CCDC192: variants seen among roughly 807,000 people sequenced by gnomAD.
The protein encoded by CCDC192 is coiled-coil domain containing 192, also known as coiled-coil domain-containing protein 192.
chr5:127,745,472 G>A (rs1337971129), intron 2 of CCDC192, among the ~76,000 whole-genome samples: 1 of 152,036 alleles, frequency 6.6e-6, no homozygotes, highest in African/African-American at 2.4e-5. Context: ...CATAATAATA[G>A]TCAGGTGTCT....
intron 5 of CCDC192, among the ~76,000 whole-genome samples, chr5:127,866,750 T>C (rs1430421228): frequency 1.3e-5 from 2 of 152,086 alleles, no homozygotes; most frequent in Admixed American, 6.6e-5. Flanking sequence ...TGAGATCACG[T>C]CCATTTCACA....
intron 5 of CCDC192, among the ~76,000 whole-genome samples, chr5:127,840,141 T>A (rs1022788100): frequency 4.0e-5 from 6 of 151,896 alleles, no homozygotes; most frequent in African/African-American, 1.5e-4. Flanking sequence ...GAAGCCAGAG[T>A]CCCCTACCCT....
At chr5:127,719,709 C>T (rs934231143) in intron 2 of CCDC192, among the ~76,000 whole-genome samples, 1 of 151,196 alleles carries the variant, frequency 6.6e-6, no homozygotes, top group Non-Finnish European at 1.5e-5. Flanking sequence ...AGAGGATGAA[C>T]TGGCTCAGGG....
intron 3 of CCDC192, among the ~76,000 whole-genome samples, chr5:127,755,866 A>G (rs1754554046): frequency 6.6e-6 from 1 of 151,860 alleles, no homozygotes; most frequent in Non-Finnish European, 1.5e-5. Flanking sequence ...GAATTCACTC[A>G]TAAAAGTACC....
chr5:127,737,761 T>G (rs1267536120), intron 2 of CCDC192, among the ~76,000 whole-genome samples: 1 of 151,528 alleles, frequency 6.6e-6, no homozygotes, highest in Non-Finnish European at 1.5e-5. Flanking sequence ...ACCCCTGCCT[T>G]TTTTTGTTTT....
intron 6 of CCDC192, among the ~76,000 whole-genome samples, chr5:127,902,085 A>T (rs1753052381): frequency 6.6e-6 from 1 of 152,180 alleles, no homozygotes; most frequent in Admixed American, 6.5e-5. Context: ...AGCCTGGCCA[A>T]CATGGTGAAA....
chr5:127,751,838 T>C (rs1754194370), intron 2 of CCDC192, among the ~76,000 whole-genome samples: 1 of 152,210 alleles, frequency 6.6e-6, no homozygotes, highest in Non-Finnish European at 1.5e-5. Context: ...TTCTCTAAAC[T>C]TTCCTTCTCG....
chr5:127,705,398 A>T (rs1238776374), intron 1 of CCDC192, among the ~76,000 whole-genome samples: 1 of 152,196 alleles, frequency 6.6e-6, no homozygotes, highest in Non-Finnish European at 1.5e-5. Context: ...GAGTATGCAC[A>T]TAAGGGTATT....
chr5:127,807,662 A>G (rs896174735), intron 5 of CCDC192, among the ~76,000 whole-genome samples: 1 of 152,098 alleles, frequency 6.6e-6, no homozygotes, highest in African/African-American at 2.4e-5. Flanking sequence ...ATCATTTCCA[A>G]AAGATTTCTG....
At chr5:127,717,298 AAAGGT>A (rs1727992342) in intron 2 of CCDC192, among the ~76,000 whole-genome samples, 1 of 152,190 alleles carries the variant, frequency 6.6e-6, no homozygotes, top group Non-Finnish European at 1.5e-5. Flanking sequence ...TTCTTCTGCT[AAAGGT>A]AAGTAATGTT....
chr5:127,771,741 G>A (rs1755565241), intron 3 of CCDC192, among the ~76,000 whole-genome samples: 1 of 152,204 alleles, frequency 6.6e-6, no homozygotes, highest in South Asian at 2.1e-4. Flanking sequence ...CCCAATTAAA[G>A]TAATGTAATA....
chr5:127,812,700 A>G (rs1269087664), intron 5 of CCDC192, among the ~76,000 whole-genome samples: 1 of 152,188 alleles, frequency 6.6e-6, no homozygotes, highest in African/African-American at 2.4e-5. Context: ...TGTTTCTGCC[A>G]AAGGAGGAAT....
chr5:127,844,967 C>G (rs1223094386), intron 5 of CCDC192, among the ~76,000 whole-genome samples: 2 of 152,158 alleles, frequency 1.3e-5, no homozygotes, highest in African/African-American at 4.8e-5. Flanking sequence ...AAGGGCGCCA[C>G]CCTTCTCTTT....
At chr5:127,721,221 T>A (rs1752004070) in intron 2 of CCDC192, among the ~76,000 whole-genome samples, 1 of 152,234 alleles carries the variant, frequency 6.6e-6, no homozygotes, top group South Asian at 2.1e-4. Context: ...TCTTTGCTCA[T>A]GCATATGACC....
chr5:127,733,642 G>A (rs980691149), intron 2 of CCDC192, among the ~76,000 whole-genome samples: 5 of 152,008 alleles, frequency 3.3e-5, no homozygotes, highest in Non-Finnish European at 2.9e-5. Flanking sequence ...GAGGCTACAC[G>A]CAATTATCTT....
At chr5:127,750,831 G>C (rs1050531473) in intron 2 of CCDC192, among the ~76,000 whole-genome samples, 9 of 151,706 alleles carry the variant, frequency 5.9e-5, no homozygotes, top group African/African-American at 9.7e-5. Context: ...AGGGTAGTTA[G>C]CTCTTCTTGT....
chr5:127,753,175 G>A (rs1561467502), intron 2 of CCDC192, among the ~76,000 whole-genome samples: 1 of 152,206 alleles, frequency 6.6e-6, no homozygotes, highest in East Asian at 1.9e-4. Flanking sequence ...AGCAGCTGCA[G>A]CAGGAGTATT....
rs1396415268 is a variant in CCDC192 at position 127,703,454 on chromosome 5, A to G, written c.9A>G (p.Gln3=). Residue 3 remains glutamine (Q), a synonymous_variant, in exon 1 of 7, where the codon CAA becomes CAG. Transcript: ENST00000514853. MG[Q]CYSKKSVVPE... ...AGTGGGTCTGGCTTGAGATGGGACA[A>G]TGCTATAGCAAGAAATCTGTGGTCC... 11 of 398,826 alleles carry G rather than the reference A, an allele frequency of 2.8e-5. No homozygotes were observed. Among genetic ancestry groups the G allele is most frequent in the Non-Finnish European group, 4.4e-5 (10 of 226,042 alleles). The allele number at this position is 398,826 out of a possible 1,614,324, so 24.7% of individuals were successfully genotyped here.
Position 127,890,884 on chromosome 5 carries a change from G to T in CCDC192, c.535+15223G>T, listed in dbSNP as rs534514488. The stretch of plus-strand genomic sequence containing the variant: ...TCTGTTCTCCACTGCTACCTGGTTG[G>T]TTTCACTTTGTTTGCATGGTTATAG... On this transcript the variant is annotated intron_variant, in intron 6 of 6. Coordinates refer to ENST00000514853, the MANE Select transcript of CCDC192 (RefSeq NM_001317938.2). Among the ~76,000 whole-genome samples the T allele has an allele frequency of 5.9e-5, 9 of 152,238 alleles. No homozygotes were observed. In the South Asian group the frequency reaches 8.3e-4, roughly 14 times the overall value.
Sources: allele counts gnomAD v4.1 joint callset (sites outside exome capture counted in the v4.1 genomes callset), GRCh38; gene constraint gnomAD v4.1.1; transcripts MANE v1.5; gene names NCBI Gene and HGNC (gene_info 2026-07-23, HGNC 2026-07-21).